Variants in CSMD2 observed in about 807,000 individuals in gnomAD.
CSMD2 encodes CUB and sushi domain-containing protein 2.
A neutral mutation model predicts 398.5 loss-of-function variants in CSMD2; 130 were observed. That is an observed-to-expected ratio of 0.33 (90% confidence interval 0.28 to 0.38). The LOEUF is 0.38. CSMD2 is among the 10% of genes least tolerant of loss of function. CSMD2 has a pLI of 1.00. For missense variants in CSMD2, 3,829 were observed against 4,764.9 expected, an observed-to-expected ratio of 0.80 and a Z score of 5.78; for synonymous variants, 1,828 against 1,908.5, an observed-to-expected ratio of 0.96 and a Z score of 1.10.
At chr1:33,737,360 C>G (rs373414468) in intron 15 of CSMD2, among the ~76,000 whole-genome samples, 2 of 152,148 alleles carry the variant, frequency 1.3e-5, no homozygotes, top group Admixed American at 1.3e-4. Flanking sequence ...AGGATGGAAA[C>G]GCACCACTTG....
At chr1:34,091,167 T>A (rs1250744831) in intron 1 of CSMD2, among the ~76,000 whole-genome samples, 2 of 152,324 alleles carry the variant, frequency 1.3e-5, no homozygotes, top group African/African-American at 4.8e-5. Flanking sequence ...TTCACAAGTA[T>A]CTGTCTTCTC....
chr1:33,699,334 G>C (rs1192100772), intron 23 of CSMD2, among the ~76,000 whole-genome samples: 1 of 152,176 alleles, frequency 6.6e-6, no homozygotes, highest in African/African-American at 2.4e-5. Context: ...GTTATGACCT[G>C]CTTAAACATA....
chr1:34,077,374 G>A (rs923523485), intron 2 of CSMD2, among the ~76,000 whole-genome samples: 8 of 145,028 alleles, frequency 5.5e-5, no homozygotes, highest in East Asian at 2.1e-4. Flanking sequence ...GGAGAATGGC[G>A]TGAACCTGGG....
chr1:34,126,933 A>G (rs1662803477), intron 1 of CSMD2, among the ~76,000 whole-genome samples: 1 of 152,062 alleles, frequency 6.6e-6, no homozygotes. Flanking sequence ...CTCAAAGAAA[A>G]GAACAGGCAG....
At chr1:33,773,975 T>G (rs1651621260) in intron 12 of CSMD2, among the ~76,000 whole-genome samples, 1 of 152,100 alleles carries the variant, frequency 6.6e-6, no homozygotes, top group African/African-American at 2.4e-5. Flanking sequence ...ACTGGGGGCT[T>G]CTGTGGGCTG....
intron 10 of CSMD2, among the ~76,000 whole-genome samples, chr1:33,793,111 C>T (rs964199175): frequency 2.0e-5 from 3 of 152,208 alleles, no homozygotes; most frequent in African/African-American, 4.8e-5. Flanking sequence ...GTGAGCATGA[C>T]ATGGTATCTG....
chr1:33,905,736 T>C (rs1374164651), intron 5 of CSMD2, among the ~76,000 whole-genome samples: 3 of 151,994 alleles, frequency 2.0e-5, no homozygotes, highest in East Asian at 1.9e-4. Flanking sequence ...AGGAGATACA[T>C]ATAGTAGGGA....
chr1:33,726,415 G>T, intron 16 of CSMD2, 132 bp downstream of exon 16: 1 of 1,073,254 alleles, frequency 9.3e-7, no homozygotes, highest in Non-Finnish European at 1.3e-6. Context: ...AGGGCAATTT[G>T]GTCCAGTGTT....
intron 1 of CSMD2, among the ~76,000 whole-genome samples, chr1:34,097,868 A>G (rs1659516266): frequency 2.0e-5 from 2 of 101,802 alleles, no homozygotes; most frequent in Admixed American, 1.1e-4. Flanking sequence ...TTCCTCAGGG[A>G]TCTAGAACTA....
intron 5 of CSMD2, chr1:33,873,750 C>G (rs1230092180): frequency 1.3e-5 from 2 of 152,242 alleles, no homozygotes; most frequent in African/African-American, 4.8e-5. Context: ...CCCAATTAAG[C>G]TACGCTTACA....
intron 12 of CSMD2, among the ~76,000 whole-genome samples, chr1:33,781,741 G>C (rs1339116247): frequency 6.6e-6 from 1 of 152,168 alleles, no homozygotes; most frequent in Non-Finnish European, 1.5e-5. Flanking sequence ...AATGTTTCTG[G>C]TAAGTGCTAA....
intron 44 of CSMD2, among the ~76,000 whole-genome samples, chr1:33,597,907 T>A (rs945972364): frequency 6.6e-6 from 1 of 152,226 alleles, no homozygotes; most frequent in Admixed American, 6.5e-5. Flanking sequence ...ATGAGTTAAG[T>A]GCAGTCACGT....
chr1:33,522,736 C>T (rs899521903), intron 67 of CSMD2, among the ~76,000 whole-genome samples: 11 of 152,200 alleles, frequency 7.2e-5, no homozygotes, highest in African/African-American at 2.4e-4. Flanking sequence ...GTAGGGGATG[C>T]TATGCTCAAC....
chr1:34,025,957 A>G (rs2164581), intron 3 of CSMD2, among the ~76,000 whole-genome samples: 34,223 of 152,070 alleles, frequency 0.23, 4,531 homozygotes, highest in East Asian at 0.57. Flanking sequence ...GGGATTGTGA[A>G]CTATGAAGTT....
At position 33,544,252 on chromosome 1, in the gene CSMD2, G is replaced by A. The variant is rs193196626; in HGVS notation, c.9101-1356C>T. ...CTCCCGAGTACCTGGGACTACAGGC[G>A]CCTGCTACCACGACCGGCTAATTTT... is the stretch of plus-strand genomic sequence containing the variant. On this transcript the variant is annotated intron_variant, in intron 57 of 70. Transcript: ENST00000373381. Among the ~76,000 whole-genome samples the A allele has an allele frequency of 8.5e-3, 1,287 of 150,666 alleles. 15 individuals are homozygous for A. Among genetic ancestry groups the A allele is most frequent in the Middle Eastern group, 0.028 (8 of 286 alleles).
rs189288273 is a variant in CSMD2 at position 33,638,224 on chromosome 1, T to C, written c.4775-1670A>G. On this transcript the variant is annotated intron_variant, in intron 29 of 70. Coordinates refer to ENST00000373381, the MANE Select transcript of CSMD2 (RefSeq NM_001281956.2). ...TCCTTTATCAAATCTGTCTTCTCCA[T>C]ATGCCTAGTGTCTCTGGCCAGAATA... Among the ~76,000 whole-genome samples, 639 of 152,330 alleles carry C rather than the reference T, an allele frequency of 4.2e-3. 3 individuals carry two copies. The highest frequency in any genetic ancestry group is 5.9e-3 in the Non-Finnish European group (404 of 68,018).
At chr1:33,536,959 T>G in intron 62 of CSMD2, 63 bp downstream of exon 62, 1 of 1,519,842 alleles carries the variant, frequency 6.6e-7, no homozygotes, top group South Asian at 1.1e-5. Context: ...TGGGTCCTCT[T>G]ATGTTGACAG....
chr1:33,732,085 A>G (rs1646738269), intron 15 of CSMD2, among the ~76,000 whole-genome samples: 1 of 152,138 alleles, frequency 6.6e-6, no homozygotes, highest in Non-Finnish European at 1.5e-5. Context: ...GGTGAAGGCA[A>G]AAACAGGGAA....
chr1:34,134,410 T>A (rs1638498017), intron 1 of CSMD2, among the ~76,000 whole-genome samples: 1 of 152,204 alleles, frequency 6.6e-6, no homozygotes, highest in Non-Finnish European at 1.5e-5. Flanking sequence ...AAATAAGTAG[T>A]CACTACATTA....
Sources: gnomAD v4.1 joint callset for allele counts (sites outside exome capture counted in the v4.1 genomes callset) on GRCh38, gnomAD v4.1.1 for gene constraint, MANE v1.5 for transcripts, NCBI Gene and HGNC (gene_info 2026-07-23, HGNC 2026-07-21) for gene names.